The following SLC9D1 variants were observed in gnomAD, a reference collection of about 807,000 sequenced individuals.
The protein encoded by SLC9D1 is solute carrier family 9 member D1.
At chr13:113,516,178 AGT>A in the SLC9D1 span, among the ~76,000 whole-genome samples, 1 of 152,200 alleles carries the variant, frequency 6.6e-6, no homozygotes, top group African/African-American at 2.4e-5. Context: ...AAACAAGGTT[AGT>A]CTGCCTGATC....
chr13:113,523,223 A>C, the SLC9D1 span, among the ~76,000 whole-genome samples: 6 of 152,070 alleles, frequency 3.9e-5, no homozygotes, highest in Non-Finnish European at 7.3e-5. Flanking sequence ...AAAACATTGT[A>C]TAAAATTGAT....
chr13:113,544,684 G>A, the SLC9D1 span, among the ~76,000 whole-genome samples: 1 of 152,256 alleles, frequency 6.6e-6, no homozygotes, highest in African/African-American at 2.4e-5. Context: ...GGCCATGCCT[G>A]CTCCACAGAT....
chr13:113,536,514 A>T, the SLC9D1 span: 376 of 948,876 alleles, frequency 4.0e-4, 1 homozygote, highest in Non-Finnish European at 4.5e-4. Context: ...TGTTTTATCC[A>T]TTCCAGAGTA....
the SLC9D1 span, among the ~76,000 whole-genome samples, chr13:113,494,655 C>CATATATAT: frequency 6.6e-6 from 1 of 150,420 alleles, no homozygotes; most frequent in African/African-American, 2.4e-5. Flanking sequence ...GGTATTGTGG[C>CATATATAT]ATATATATAT....
chr13:113,499,631 A>G, the SLC9D1 span, among the ~76,000 whole-genome samples: 1 of 152,222 alleles, frequency 6.6e-6, no homozygotes, highest in Non-Finnish European at 1.5e-5. Context: ...AACAAATCAG[A>G]ATAAGATTAG....
chr13:113,543,046 AC>A, the SLC9D1 span, among the ~76,000 whole-genome samples: 92 of 32,122 alleles, frequency 2.9e-3, 1 homozygote, highest in African/African-American at 0.017. Context: ...CGTGTGTGTG[AC>A]CCCCACCTCC....
the SLC9D1 span, among the ~76,000 whole-genome samples, chr13:113,544,059 G>A: frequency 6.6e-6 from 1 of 152,238 alleles, no homozygotes; most frequent in African/African-American, 2.4e-5. Context: ...CGTGGGACCC[G>A]ATATCCACTT....
chr13:113,526,816 C>T, the SLC9D1 span, among the ~76,000 whole-genome samples: 2 of 152,260 alleles, frequency 1.3e-5, no homozygotes, highest in African/African-American at 4.8e-5. Context: ...CTCCCTGACT[C>T]ACTCAGAGCA....
chr13:113,545,131 C>T, the SLC9D1 span, among the ~76,000 whole-genome samples: 1 of 152,224 alleles, frequency 6.6e-6, no homozygotes, highest in Non-Finnish European at 1.5e-5. Flanking sequence ...GTGTGCGCCC[C>T]CGCCAGCCTC....
the SLC9D1 span, chr13:113,535,271 A>G: frequency 2.0e-5 from 3 of 152,244 alleles, no homozygotes; most frequent in Non-Finnish European, 1.5e-5. The surrounding 1 kb of genome is among the most constrained non-coding windows in gnomAD (Gnocchi z 4.1). Flanking sequence ...TTAAAAAATA[A>G]AGTTCATTTT....
At chr13:113,517,883 G>C in the SLC9D1 span, among the ~76,000 whole-genome samples, 3 of 151,208 alleles carry the variant, frequency 2.0e-5, no homozygotes, top group African/African-American at 7.3e-5. Context: ...GAGGGAAGAG[G>C]GGCCCCACAG....
At chr13:113,527,041 C>A in the SLC9D1 span, among the ~76,000 whole-genome samples, 1 of 152,214 alleles carries the variant, frequency 6.6e-6, no homozygotes, top group East Asian at 1.9e-4. Context: ...TGTGTAAATG[C>A]ACTCTGGAAT....
the SLC9D1 span, among the ~76,000 whole-genome samples, chr13:113,549,158 G>A: frequency 1.8e-3 from 276 of 152,262 alleles, 1 homozygote; most frequent in African/African-American, 6.3e-3. Context: ...TCAGCTTCTG[G>A]CTGTACTTCC....
At chr13:113,538,262 T>C in the SLC9D1 span, among the ~76,000 whole-genome samples, 2 of 152,092 alleles carry the variant, frequency 1.3e-5, no homozygotes, top group Non-Finnish European at 2.9e-5. Context: ...TGTGTTCGTG[T>C]GTGTCTGCTT....
chr13:113,521,860 G>A, the SLC9D1 span, among the ~76,000 whole-genome samples: 1 of 152,090 alleles, frequency 6.6e-6, no homozygotes, highest in South Asian at 2.1e-4. Flanking sequence ...TGTGTTTTAA[G>A]CCAATATACT....
At chr13:113,545,831 A>G in the SLC9D1 span, 36,819 of 152,328 alleles carry the variant, frequency 0.24, 6,601 homozygotes, top group African/African-American at 0.51. Flanking sequence ...GAGGGATGCC[A>G]CCAGGTGCAG....
the SLC9D1 span, chr13:113,520,611 C>A: frequency 1.7e-5 from 27 of 1,606,490 alleles, no homozygotes; most frequent in Middle Eastern, 1.7e-4. Context: ...CCTTTCCCCC[C>A]ACAGGCGACA....
the SLC9D1 span, chr13:113,495,833 G>C: frequency 1.2e-5 from 20 of 1,614,072 alleles, no homozygotes; most frequent in Admixed American, 1.7e-5. Context: ...ACGTGGGCCT[G>C]TCGGATGAAG....
chr13:113,491,602 C>T, the SLC9D1 span, among the ~76,000 whole-genome samples: 1 of 152,202 alleles, frequency 6.6e-6, no homozygotes, highest in African/African-American at 2.4e-5. Context: ...CTCCCGGGGT[C>T]GGGTGGTCTG....
Sources: gnomAD v4.1 joint callset for allele counts (sites outside exome capture counted in the v4.1 genomes callset) on GRCh38, gnomAD v4.1.1 for gene constraint, Gnocchi (gnomAD v3.1) non-coding constraint, MANE v1.5 for transcripts, NCBI Gene and HGNC (gene_info 2026-07-23, HGNC 2026-07-21) for gene names.